PCLO: variants seen among roughly 807,000 people sequenced by gnomAD.
The protein encoded by PCLO is protein piccolo.
Under a neutral mutation model 427.5 loss-of-function variants are expected in PCLO, and 82 were observed. The observed-to-expected ratio is 0.19, with a 90% confidence interval of 0.16 to 0.23. PCLO has a LOEUF of 0.23. PCLO is among the 10% of genes least tolerant of loss of function. The pLI, the probability that PCLO is intolerant of heterozygous loss-of-function variation, is 1.00. For synonymous variants in PCLO, 2,357 were observed against 2,155.4 expected (o/e 1.09, Z -2.59); for missense variants, 6,239 against 6,115.9 (o/e 1.02, Z -0.67).
At chr7:82,799,807 G>C (rs1045564481) in intron 22 of PCLO, among the ~76,000 whole-genome samples, 3 of 151,974 alleles carry the variant, frequency 2.0e-5, no homozygotes, top group Admixed American at 1.3e-4. Context: ...TCCTGGTTTC[G>C]GCTCTCGCTG....
intron 3 of PCLO, among the ~76,000 whole-genome samples, chr7:82,992,590 CG>C (rs1158694124): frequency 1.3e-5 from 2 of 151,756 alleles, no homozygotes; most frequent in African/African-American, 4.8e-5. Context: ...CAGGGCCTGT[CG>C]GGGGGTGTGG....
At chr7:82,846,137 G>A (rs2115811860) in intron 12 of PCLO, among the ~76,000 whole-genome samples, 1 of 152,036 alleles carries the variant, frequency 6.6e-6, no homozygotes, top group Admixed American at 6.6e-5. Flanking sequence ...GTTGATTTTT[G>A]TTTACTATAA....
At chr7:82,781,197 A>G (rs1345036095) in intron 22 of PCLO, among the ~76,000 whole-genome samples, 1 of 88,396 alleles carries the variant, frequency 1.1e-5, no homozygotes, top group Non-Finnish European at 3.2e-5. Flanking sequence ...CAGGTAAGGT[A>G]AAAAGATCAT....
At chr7:82,770,854 G>A (rs1562778257) in intron 22 of PCLO, among the ~76,000 whole-genome samples, 1 of 151,700 alleles carries the variant, frequency 6.6e-6, no homozygotes, top group Non-Finnish European at 1.5e-5. Flanking sequence ...AATCTTATTT[G>A]CATTGAATTT....
Position 83,134,240 on chromosome 7 carries a change from T to TATAA in PCLO, c.3300+6_3300+9dup, listed in dbSNP as rs1451799040. 2 of 1,047,278 alleles carry TATAA rather than the reference T, an allele frequency of 1.9e-6. No individual in the cohort carries two copies. Among genetic ancestry groups the TATAA allele is most frequent in the African/African-American group, 3.2e-5 (2 of 61,710 alleles). 64.9% of individuals were successfully genotyped at this position (1,047,278 alleles called of 1,614,324 possible). The stretch of plus-strand genomic sequence containing the variant: ...TGTAATATATATATATATATATATA[T>TATAA]ATAACTTACCTCAGTCAAATGTGGT... On this transcript the variant is annotated intron_variant, in intron 3 of 24. Coordinates refer to ENST00000333891, the MANE Select transcript of PCLO (RefSeq NM_033026.6).
At chr7:82,805,935 G>A (rs1583994419) in intron 20 of PCLO, 106 bp from the exon 21 acceptor site, 1 of 1,095,094 alleles carries the variant, frequency 9.1e-7, no homozygotes, top group Admixed American at 2.3e-5. Flanking sequence ...ACAAGAAACA[G>A]CTACTGAAGA....
intron 24 of PCLO, among the ~76,000 whole-genome samples, chr7:82,760,238 A>G (rs1237920228): frequency 6.6e-6 from 1 of 152,000 alleles, no homozygotes; most frequent in Non-Finnish European, 1.5e-5. Context: ...AAGAGCTTTA[A>G]TGTAAACTAA....
intron 3 of PCLO, among the ~76,000 whole-genome samples, chr7:83,110,060 T>C (rs2116519451): frequency 6.6e-6 from 1 of 151,372 alleles, no homozygotes; most frequent in Middle Eastern, 3.4e-3. Flanking sequence ...TTGGATATTT[T>C]GTGCTTGGAA....
rs1353919065 is a variant in PCLO at position 83,089,092 on chromosome 7, C to A, written c.3300+45158G>T. ...AAGTAACTTCTCTAAAATTCTACAA[C>A]CAAAATTTGGAAAGAAGGTATTCTC... On this transcript the variant is annotated intron_variant, in intron 3 of 24. Coordinates refer to ENST00000333891, the MANE Select transcript of PCLO (RefSeq NM_033026.6). Among the ~76,000 whole-genome samples, 4 of 151,940 alleles carry A rather than the reference C, an allele frequency of 2.6e-5. No homozygotes were observed. In the East Asian group the frequency reaches 7.7e-4, roughly 29 times the overall value.
intron 2 of PCLO, among the ~76,000 whole-genome samples, chr7:83,152,122 G>A (rs113307923): frequency 0.15 from 23,326 of 151,664 alleles, 1,911 homozygotes; most frequent in Middle Eastern, 0.21. Flanking sequence ...CCGCCACCAC[G>A]CCCGGCTAAT....
At chr7:83,057,317 C>T (rs6976683) in intron 3 of PCLO, among the ~76,000 whole-genome samples, 2 of 25,870 alleles carry the variant, frequency 7.7e-5, no homozygotes, top group African/African-American at 1.7e-4. Flanking sequence ...ATTATATATA[C>T]ATATATATAT....
chr7:82,949,463 G>T lies in PCLO; in HGVS notation c.11112+13C>A, dbSNP rs745878972. On this transcript the variant is annotated intron_variant, in intron 6 of 24. Transcript: ENST00000333891. The stretch of plus-strand genomic sequence containing the variant: ...TCATCCATTGCCTTCCAACTGAAAA[G>T]AATCACTCTTACCGTATAGCCCTCG... 1.9e-6 allele frequency: 3 copies of T among 1,541,924 alleles called. No homozygotes were observed. Among genetic ancestry groups the T allele is most frequent in the South Asian group, 1.3e-5 (1 of 79,532 alleles).
At chr7:82,901,056 T>C (rs1327361433) in intron 9 of PCLO, among the ~76,000 whole-genome samples, 16 of 151,910 alleles carry the variant, frequency 1.1e-4, no homozygotes, top group Admixed American at 9.9e-4. Flanking sequence ...GAATGTCTTA[T>C]ATTCCTACAA....
At chr7:82,900,989 A>C (rs930869011) in intron 9 of PCLO, among the ~76,000 whole-genome samples, 3 of 151,854 alleles carry the variant, frequency 2.0e-5, no homozygotes, top group Non-Finnish European at 2.9e-5. Context: ...ATTGAGTAGA[A>C]ATAGGGGAAT....
At chr7:83,005,338 T>C (rs1281750205) in intron 3 of PCLO, among the ~76,000 whole-genome samples, 2 of 151,554 alleles carry the variant, frequency 1.3e-5, no homozygotes, top group Non-Finnish European at 3.0e-5. Context: ...TACTGCATAC[T>C]CTCAATTATA....
At chr7:83,000,305 G>A (rs974080970) in intron 3 of PCLO, among the ~76,000 whole-genome samples, 4 of 128,760 alleles carry the variant, frequency 3.1e-5, no homozygotes, top group Non-Finnish European at 6.6e-5. Flanking sequence ...GAGAGAGAGA[G>A]AAAATAAACC....
chr7:83,128,247 G>C (rs1265429205), intron 3 of PCLO, among the ~76,000 whole-genome samples: 1 of 151,762 alleles, frequency 6.6e-6, no homozygotes, highest in Non-Finnish European at 1.5e-5. Context: ...CAAAAGATAA[G>C]GTGGGAGAGT....
chr7:83,134,861 T>C lies in PCLO; in HGVS notation c.2689A>G (p.Lys897Glu). Residue 897 changes from lysine to glutamate, a missense_variant, in exon 3 of 25, where the codon AAG becomes GAG. Around this residue, in one of 5 missense-constraint regions of PCLO, gnomAD observed 4,677 missense variants for 4,468.4 expected, o/e 1.05. Transcript: ENST00000333891. ...QTVPTPQQSP[K>E]PQEQSRRFSL... ...AAACGCCTTGACTGCTCCTGAGGCT[T>C]TGGGGACTGTTGAGGTGTGGGGACA... is the stretch of plus-strand genomic sequence containing the variant. The C allele has an allele frequency of 2.5e-6, 4 of 1,608,586 alleles. No homozygotes were observed. Among genetic ancestry groups the C allele is most frequent in the South Asian group, 1.1e-5 (1 of 90,286 alleles).
At position 82,756,557 on chromosome 7, in the gene PCLO, C is replaced by T. The variant is rs1790323785; in HGVS notation, c.*2018G>A. Reference sequence around the variant, plus strand: ...GAAGTCATATATATATATATATATCCTGGGATATATTAGAAATTCTCTTAT... The same window carrying T: ...GAAGTCATATATATATATATATATCTTGGGATATATTAGAAATTCTCTTAT... On this transcript the variant is annotated 3_prime_UTR_variant, in exon 25 of 25. Transcript: ENST00000333891. 6.6e-6 allele frequency: 1 copy of T among 150,788 alleles called. No individual in the cohort carries two copies. Among genetic ancestry groups the T allele is most frequent in the Admixed American group, 6.6e-5 (1 of 15,104 alleles). 9.3% of individuals were successfully genotyped at this position (150,788 alleles called of 1,614,324 possible). A position where few individuals can be genotyped will look rare whatever the true frequency, so the allele number is the denominator to read the frequency against.
Sources: gnomAD v4.1 joint callset for allele counts (sites outside exome capture counted in the v4.1 genomes callset) on GRCh38, gnomAD v4.1.1 for gene constraint, gnomAD v4.1.1 regional missense constraint, MANE v1.5 for transcripts, NCBI Gene and HGNC (gene_info 2026-07-23, HGNC 2026-07-21) for gene names.